Variants in SPECC1L observed in about 807,000 individuals in gnomAD.
The protein encoded by SPECC1L is sperm antigen with calponin homology and coiled-coil domains 1 like.
In SPECC1L, 40 loss-of-function variants were observed where a neutral mutation model predicts 116.8. The observed-to-expected ratio is 0.34, with a 90% CI of 0.27 to 0.45. The LOEUF (loss-of-function observed/expected upper bound fraction) is 0.45, where lower values mean the gene tolerates loss of function less well. SPECC1L is among the 20% of genes least tolerant of loss of function. SPECC1L has a pLI of 1.00. For synonymous variants in SPECC1L, 504 were observed against 500.6 expected (o/e 1.01, Z -0.09); for missense variants, 1,110 against 1,373.6 (o/e 0.81, Z 3.03).
chr22:24,398,593 C>A (rs930445216), intron 14 of SPECC1L, among the ~76,000 whole-genome samples: 2 of 152,188 alleles, frequency 1.3e-5, no homozygotes, highest in Non-Finnish European at 2.9e-5. Flanking sequence ...ACTAAAGAGG[C>A]CTTTCTCAGA....
intron 4 of SPECC1L, among the ~76,000 whole-genome samples, chr22:24,320,758 C>T (rs1173331762): frequency 2.0e-5 from 3 of 152,206 alleles, no homozygotes; most frequent in African/African-American, 7.2e-5. Context: ...AACTATTTTG[C>T]ATTTACTTTG....
rs560676885 is a variant in SPECC1L at position 24,326,413 on chromosome 22, C to T, written c.2146+1986C>T. On this transcript the variant is annotated intron_variant, in intron 6 of 16. Transcript: ENST00000314328. Reference sequence around the variant, plus strand: ...AAGGAACCAAGTTCCCTTGCTGATTCCAGAGCCATCCTTGCCTCCAGAGAT... The same window carrying T: ...AAGGAACCAAGTTCCCTTGCTGATTTCAGAGCCATCCTTGCCTCCAGAGAT... 3.9e-5 allele frequency among the ~76,000 whole-genome samples: 6 copies of T among 152,290 alleles called. No homozygotes were observed. The East Asian group carries it at 1.2e-3, about 29-fold the overall frequency.
intron 2 of SPECC1L, among the ~76,000 whole-genome samples, chr22:24,278,133 T>G (rs2146327812): frequency 6.6e-6 from 1 of 152,162 alleles, no homozygotes; most frequent in Non-Finnish European, 1.5e-5. Flanking sequence ...GGTGGGAGGA[T>G]CACTTGAGCC....
At chr22:24,407,829 C>G (rs1052571850) in intron 14 of SPECC1L, among the ~76,000 whole-genome samples, 5 of 152,144 alleles carry the variant, frequency 3.3e-5, no homozygotes, top group Non-Finnish European at 4.4e-5. Flanking sequence ...CTGGCCCATT[C>G]TTCATTTGTC....
chr22:24,332,402 A>G (rs1364514742), intron 8 of SPECC1L, among the ~76,000 whole-genome samples: 2 of 152,228 alleles, frequency 1.3e-5, no homozygotes, highest in South Asian at 4.1e-4. Flanking sequence ...AACAAGATTG[A>G]CCAGTGGATT....
chr22:24,414,356 C>T (rs1438534600), intron 16 of SPECC1L, among the ~76,000 whole-genome samples, 178 bp from the exon 17 acceptor site: 7 of 152,068 alleles, frequency 4.6e-5, no homozygotes, highest in African/African-American at 1.2e-4. Context: ...GGCCTGGGGA[C>T]GATGCTGATG....
chr22:24,385,231 A>G (rs1320165447), intron 14 of SPECC1L, among the ~76,000 whole-genome samples: 3 of 152,130 alleles, frequency 2.0e-5, no homozygotes, highest in Non-Finnish European at 4.4e-5. Flanking sequence ...CAAAGTAATA[A>G]AAGAATGGAA....
rs2040723899 is a variant in SPECC1L, at chr22:24,321,579, T to C, written c.599T>C (p.Leu200Ser). 2 of 1,614,118 alleles carry C rather than the reference T, an allele frequency of 1.2e-6. No individual in the cohort carries two copies. The highest frequency in any genetic ancestry group is 3.3e-5 in the Admixed American group (2 of 60,010). ...TLAKTKDVEI[L>S]HLRNELRDMR... is the part of the protein sequence containing the mutation. ...GCAAAAACCAAAGACGTAGAAATTT[T>C]ACATTTGAGAAATGAACTGCGAGAC... Residue 200 changes from leucine to serine, a missense_variant, in exon 5 of 17, where the codon TTA becomes TCA. This residue lies in a region of SPECC1L where 437 missense variants were observed against 482.6 expected (regional missense o/e 0.91). Coordinates refer to ENST00000314328, the MANE Select transcript of SPECC1L (RefSeq NM_015330.6).
chr22:24,311,565 G>T (rs1387305238), intron 3 of SPECC1L, among the ~76,000 whole-genome samples: 1 of 152,108 alleles, frequency 6.6e-6, no homozygotes, highest in Non-Finnish European at 1.5e-5. Context: ...AGCAGTTTGG[G>T]AGGCCAAGGT....
intron 14 of SPECC1L, among the ~76,000 whole-genome samples, chr22:24,405,422 C>T (rs1449824683): frequency 2.0e-5 from 3 of 151,520 alleles, no homozygotes; most frequent in Non-Finnish European, 4.4e-5. Context: ...AGGAGCAGGG[C>T]TCCAGGTAGG....
intron 14 of SPECC1L, among the ~76,000 whole-genome samples, chr22:24,387,761 C>T (rs1365532059): frequency 1.3e-5 from 2 of 152,138 alleles, no homozygotes; most frequent in Non-Finnish European, 2.9e-5. Context: ...GCTAAAACAA[C>T]ACATATTTTT....
At chr22:24,346,876 G>A (rs1430398705) in intron 10 of SPECC1L, among the ~76,000 whole-genome samples, 1 of 152,106 alleles carries the variant, frequency 6.6e-6, no homozygotes, top group Non-Finnish European at 1.5e-5. Context: ...AACTGCATAT[G>A]AGTCTATAAT....
At chr22:24,302,536 C>A in intron 3 of SPECC1L, 152 bp downstream of exon 3, 1 of 979,000 alleles carries the variant, frequency 1.0e-6, no homozygotes, top group Non-Finnish European at 1.6e-6. Flanking sequence ...TGGGGTGGAC[C>A]TAATTGCTGT....
rs199776299 is a variant in SPECC1L at position 24,322,271 on chromosome 22, C to T, written c.1291C>T (p.Leu431=). The change falls in exon 5 of 17, where the codon CTG becomes TTG. Residue 431 remains leucine (L), a synonymous_variant. Transcript: ENST00000314328. ...LADLQQITQE[L]NSENERLGEE... is the part of the protein sequence containing the mutation. The stretch of plus-strand genomic sequence containing the variant: ...TGATTTACAGCAGATTACCCAGGAA[C>T]TGAATAGTGAAAACGAAAGGCTTGG... 14 of 1,614,186 alleles carry T rather than the reference C, an allele frequency of 8.7e-6. No homozygotes were observed. The highest frequency in any genetic ancestry group is 1.7e-5 in the Admixed American group (1 of 60,028).
intron 2 of SPECC1L, among the ~76,000 whole-genome samples, chr22:24,279,895 A>C (rs1201878413): frequency 6.6e-6 from 1 of 152,230 alleles, no homozygotes; most frequent in Non-Finnish European, 1.5e-5. Flanking sequence ...ATAGTTTTCC[A>C]TTCACCACAG....
intron 2 of SPECC1L, among the ~76,000 whole-genome samples, chr22:24,281,807 T>A (rs1319384490): frequency 6.6e-6 from 1 of 152,256 alleles, no homozygotes; most frequent in Non-Finnish European, 1.5e-5. Flanking sequence ...TGGCTAGAAC[T>A]TCTAAGTACA....
At chr22:24,273,129 G>C (rs903731463) in intron 1 of SPECC1L, among the ~76,000 whole-genome samples, 2 of 152,226 alleles carry the variant, frequency 1.3e-5, no homozygotes, top group African/African-American at 4.8e-5. Context: ...CTTTTAGGAG[G>C]TGTATCTGCG....
chr22:24,277,878 C>T (rs1043260226), intron 2 of SPECC1L, among the ~76,000 whole-genome samples: 2 of 152,218 alleles, frequency 1.3e-5, no homozygotes, highest in African/African-American at 2.4e-5. Context: ...GTGGACATAT[C>T]CTTTCAGTTC....
chr22:24,360,689 G>T (rs956283727), intron 11 of SPECC1L, among the ~76,000 whole-genome samples: 1 of 152,090 alleles, frequency 6.6e-6, no homozygotes, highest in Non-Finnish European at 1.5e-5. Flanking sequence ...TGATTTATTT[G>T]TCTTTTCAAC....
Sources: gnomAD v4.1 joint callset for allele counts (sites outside exome capture counted in the v4.1 genomes callset) on GRCh38, gnomAD v4.1.1 for gene constraint, gnomAD v4.1.1 regional missense constraint, MANE v1.5 for transcripts, NCBI Gene and HGNC (gene_info 2026-07-23, HGNC 2026-07-21) for gene names.